DOP1B: variants seen among roughly 807,000 people sequenced by gnomAD.
DOP1B encodes protein DOP1B.
DOP1B carries 174 observed loss-of-function variants against 233.5 expected under a neutral mutation model. That is an observed-to-expected ratio of 0.75 (90% CI 0.66 to 0.85). DOP1B has a LOEUF of 0.85. Ranked by LOEUF, DOP1B falls within the 40% of genes least tolerant of loss-of-function variation. DOP1B has a pLI of 0.00. For missense variants in DOP1B, 2,652 were observed against 2,846.6 expected (o/e 0.93, Z 1.56); for synonymous variants, 1,190 against 1,185.6 (o/e 1.00, Z -0.08).
intron 27 of DOP1B, among the ~76,000 whole-genome samples, chr21:36,272,374 G>A (rs2067298381): frequency 6.6e-6 from 1 of 152,250 alleles, no homozygotes; most frequent in East Asian, 1.9e-4. Context: ...ATCAGGCCGG[G>A]CACAGTGGCT....
intron 4 of DOP1B, among the ~76,000 whole-genome samples, chr21:36,205,356 T>C (rs977354300): frequency 6.9e-6 from 1 of 145,412 alleles, no homozygotes; most frequent in Non-Finnish European, 1.5e-5. Context: ...GGAAGTTGGG[T>C]TTTTTTTTTT....
chr21:36,289,424 G>GGTGTGTGTGTGTGT lies in DOP1B; in HGVS notation c.6515+256_6515+269dup, dbSNP rs59907412. Among the ~76,000 whole-genome samples, 48 of 145,062 alleles carry GGTGTGTGTGTGTGT rather than the reference G, an allele frequency of 3.3e-4. 1 individual carries two copies. The highest frequency in any genetic ancestry group is 5.7e-4 in the Admixed American group (8 of 14,092). ...GGAGTGTTTATGAATGTGTTTCTATGGTGTGTGTGTGTGTGTGTGTGTGTG... is the reference window on the plus strand; with the variant it reads ...GGAGTGTTTATGAATGTGTTTCTATGGTGTGTGTGTGTGTGTGTGTGTGTGTGTGTGTGTGTGTG... On this transcript the variant is annotated intron_variant, in intron 35 of 36. Transcript: ENST00000691173.
At chr21:36,168,955 A>C in intron 2 of DOP1B, 1 of 693,840 alleles carries the variant, frequency 1.4e-6, no homozygotes, top group Non-Finnish European at 2.6e-6. Context: ...CCAGGTGCAA[A>C]ACCTGTTCCT....
rs35543976 is a variant in DOP1B at position 36,281,563 on chromosome 21, T to C, written c.6112T>C (p.Phe2038Leu). The change falls in exon 32 of 37, where the codon TTC becomes CTC. Residue 2038 changes from phenylalanine to leucine, a missense_variant. Coordinates refer to ENST00000691173, the MANE Select transcript of DOP1B (RefSeq NM_001320714.2). ...GTTAAAGCGCCAGGCTTTTGCTGTC[T>C]TCAGTGGAGAACTTGATCAATACCA... is the stretch of plus-strand genomic sequence containing the variant. ...MLLKRQAFAVFSGELDQYHLY... is the reference protein window; with the variant it reads ...MLLKRQAFAVLSGELDQYHLY... The C allele has an allele frequency of 1.2e-6, 2 of 1,609,728 alleles. No homozygotes were observed. The highest frequency in any genetic ancestry group is 1.3e-5 in the African/African-American group (1 of 75,034).
chr21:36,255,405 G>A (rs2067083057), intron 23 of DOP1B, among the ~76,000 whole-genome samples: 1 of 151,792 alleles, frequency 6.6e-6, no homozygotes, highest in Admixed American at 6.6e-5. Context: ...GGGATTACAG[G>A]CGTGAGCCAC....
intron 2 of DOP1B, among the ~76,000 whole-genome samples, chr21:36,194,124 CAGTTTTGTTTATTGCTTTGTTAAGCCTT>C (rs1258041055): frequency 6.6e-6 from 1 of 152,126 alleles, no homozygotes; most frequent in African/African-American, 2.4e-5. Flanking sequence ...GTAATAGCCT[CAGTTTTGTTTATTGCTTTGTTAAGCCTT>C]AGTTTTGAAG....
At chr21:36,195,602 A>G (rs1447553453) in intron 2 of DOP1B, among the ~76,000 whole-genome samples, 1 of 152,216 alleles carries the variant, frequency 6.6e-6, no homozygotes, top group African/African-American at 2.4e-5. Flanking sequence ...TACTGGTTAC[A>G]GCCTCAGTTC....
chr21:36,175,418 C>A (rs1045864573), intron 2 of DOP1B, among the ~76,000 whole-genome samples: 2 of 152,060 alleles, frequency 1.3e-5, no homozygotes, highest in East Asian at 3.9e-4. Flanking sequence ...GCCCAGATTT[C>A]CTCTTCTTAC....
intron 2 of DOP1B, among the ~76,000 whole-genome samples, chr21:36,174,549 G>A (rs549032379): frequency 6.6e-6 from 1 of 152,090 alleles, no homozygotes; most frequent in African/African-American, 2.4e-5. Context: ...CTTTTTTTGA[G>A]GCTGGAGTGC....
At chr21:36,287,017 G>C (rs984608226) in intron 32 of DOP1B, among the ~76,000 whole-genome samples, 10 of 151,752 alleles carry the variant, frequency 6.6e-5, no homozygotes, top group Non-Finnish European at 1.3e-4. Context: ...TACTACAGCC[G>C]ATCTTAGCTA....
intron 13 of DOP1B, 139 bp from the exon 14 acceptor site, chr21:36,230,311 T>C (rs1165838563): frequency 9.0e-7 from 1 of 1,115,628 alleles, no homozygotes; most frequent in Non-Finnish European, 1.2e-6. Context: ...AATTTCATTA[T>C]ACACTTAACA....
chr21:36,237,509 C>T, intron 16 of DOP1B, 95 bp downstream of exon 16: 1 of 1,497,464 alleles, frequency 6.7e-7, no homozygotes, highest in Non-Finnish European at 9.1e-7. Context: ...CGAAGTCTTT[C>T]TGGGGCTGAG....
rs764664051 is a variant in DOP1B, at chr21:36,245,704, T to A, written c.3724T>A (p.Tyr1242Asn). The change falls in exon 19 of 37, where the codon TAT becomes AAT. Residue 1242 changes from tyrosine (Y) to asparagine (N), a missense_variant. Tyr to Asn is a moderately radical substitution (Grantham distance 143, BLOSUM62 -2). Around this residue, in one of 3 missense-constraint regions of DOP1B, gnomAD observed 2,617 missense variants for 2,794.3 expected, o/e 0.94. Coordinates refer to ENST00000691173, the MANE Select transcript of DOP1B (RefSeq NM_001320714.2). This position sits in a 1 kb window ranked among gnomAD's most constrained non-coding sequence, Gnocchi z 5.5. ...GCCCTACGACTCTCGGCGGGTCCTC[T>A]ATGCCTTCTCGGTGCTGGAGGCTGT... ...LQPYDSRRVL[Y>N]AFSVLEAVLK... The A allele has an allele frequency of 2.1e-5, 34 of 1,613,512 alleles. No individual in the cohort carries two copies. Among genetic ancestry groups the A allele is most frequent in the Middle Eastern group, 1.6e-4 (1 of 6,084 alleles).
intron 2 of DOP1B, among the ~76,000 whole-genome samples, chr21:36,183,707 G>A (rs754210969): frequency 5.9e-5 from 9 of 152,150 alleles, no homozygotes; most frequent in Admixed American, 2.6e-4. Flanking sequence ...AGCACCTGCC[G>A]CCTCTGCCAG....
At chr21:36,200,735 C>T (rs111869439) in intron 4 of DOP1B, among the ~76,000 whole-genome samples, 18 of 151,476 alleles carry the variant, frequency 1.2e-4, no homozygotes, top group African/African-American at 4.1e-4. Flanking sequence ...CCCAGCTACT[C>T]GGGAGGCTGA....
chr21:36,209,327 G>T (rs111875378), intron 5 of DOP1B, among the ~76,000 whole-genome samples: 1,668 of 152,244 alleles, frequency 0.011, 26 homozygotes, highest in African/African-American at 0.038. Context: ...TCACCATGTT[G>T]GCCAGGATGG....
chr21:36,159,668 C>A (rs532662241), intron 1 of DOP1B, among the ~76,000 whole-genome samples: 11 of 152,350 alleles, frequency 7.2e-5, no homozygotes, highest in African/African-American at 2.6e-4. Context: ...AGCTACTGCT[C>A]TTACCTGGCT....
intron 26 of DOP1B, among the ~76,000 whole-genome samples, chr21:36,266,943 G>T (rs953082885): frequency 4.6e-5 from 7 of 152,100 alleles, no homozygotes; most frequent in African/African-American, 7.2e-5. Flanking sequence ...GACTTTCCTT[G>T]TGCCCTTCAC....
At chr21:36,265,405 AAAAC>A (rs2067219756) in intron 26 of DOP1B, among the ~76,000 whole-genome samples, 1 of 144,658 alleles carries the variant, frequency 6.9e-6, no homozygotes, top group African/African-American at 2.7e-5. Flanking sequence ...TCAAAAACAA[AAAAC>A]AAAAAAACAA....
Sources: gnomAD v4.1 joint callset for allele counts (sites outside exome capture counted in the v4.1 genomes callset) on GRCh38, gnomAD v4.1.1 for gene constraint, gnomAD v4.1.1 regional missense constraint, Gnocchi (gnomAD v3.1) non-coding constraint, MANE v1.5 for transcripts, NCBI Gene and HGNC (gene_info 2026-07-23, HGNC 2026-07-21) for gene names.